TNIP1: variants seen among roughly 807,000 people sequenced by gnomAD.
The protein encoded by TNIP1 is TNFAIP3 interacting protein 1.
Under a neutral mutation model 86.6 loss-of-function variants are expected in TNIP1, and 22 were observed. The ratio of observed to expected loss-of-function variants is 0.25; its 90% CI spans 0.18 to 0.36. The LOEUF (loss-of-function observed/expected upper bound fraction) is 0.36, where lower values mean the gene tolerates loss of function less well. Ranked by LOEUF, TNIP1 falls within the 10% of genes least tolerant of loss-of-function variation. The pLI is 1.00. For missense variants in TNIP1, 709 were observed against 820.6 expected, an observed-to-expected ratio of 0.86 and a Z score of 1.66; for synonymous variants, 294 against 313.0, an observed-to-expected ratio of 0.94 and a Z score of 0.64.
At chr5:151,054,502 A>C (rs1258700588) in intron 6 of TNIP1, among the ~76,000 whole-genome samples, 1 of 152,130 alleles carries the variant, frequency 6.6e-6, no homozygotes. Context: ...GCAACATGGC[A>C]AAACCCTGTC....
At chr5:151,046,192 T>C (rs1043419290) in intron 8 of TNIP1, 4 of 522,038 alleles carry the variant, frequency 7.7e-6, no homozygotes, top group Non-Finnish European at 1.4e-5. Flanking sequence ...CCTTCCCTTC[T>C]CCCCTCCCTA....
rs200832817 is a variant in TNIP1 at position 151,049,896 on chromosome 5, C to G, written c.774G>C (p.Glu258Asp). Residue 258 changes from glutamate (E) to aspartate (D), a missense_variant, in exon 8 of 18, where the codon GAG (glutamate) becomes GAC (aspartate). Coordinates refer to ENST00000521591, the MANE Select transcript of TNIP1 (RefSeq NM_006058.5). ...KKLLMSNGNK[E>D]GASGRPGSPK... ...GTGAGCCTGGCCGCCCAGACGCACC[C>G]TCTTTGTTGCCATTGCTCATCAACA... The G allele has an allele frequency of 2.1e-5, 34 of 1,614,210 alleles. No individual in the cohort carries two copies. In the African/African-American group the frequency reaches 3.5e-4, roughly 16 times the overall value.
chr5:151,064,942 G>C lies in TNIP1; in HGVS notation c.136+18C>G, dbSNP rs770645265. 278 of 1,613,808 alleles carry C rather than the reference G, an allele frequency of 1.7e-4. No homozygotes were observed. Among genetic ancestry groups the C allele is most frequent in the Non-Finnish European group, 2.3e-4 (274 of 1,179,918 alleles). On this transcript the variant is annotated intron_variant, in intron 2 of 17. Coordinates refer to ENST00000521591, the MANE Select transcript of TNIP1 (RefSeq NM_006058.5). ...GCAGGGAGGGGCGCTCGCAGGGAGG[G>C]GACAGGGTCTGCTTTACCTAACATC...
rs77165066 is a variant in TNIP1 at position 151,075,292 on chromosome 5, G to C, written c.-37+5588C>G. On this transcript the variant is annotated intron_variant, in intron 1 of 17. Coordinates refer to ENST00000521591, the MANE Select transcript of TNIP1 (RefSeq NM_006058.5). ...ATGTAGGTGCCTGCGTGTTACCCTC[G>C]GTATCTGAGAGACTCCTTCAATTTT... Among the ~76,000 whole-genome samples, 255 of 152,158 alleles carry C rather than the reference G, an allele frequency of 1.7e-3. 1 individual carries two copies. The highest frequency in any genetic ancestry group is 3.1e-3 in the Non-Finnish European group (212 of 68,002).
chr5:151,034,171 A>AGTACATGGGCACGGAAAGCTG (rs1757338609), intron 15 of TNIP1, among the ~76,000 whole-genome samples: 1 of 101,838 alleles, frequency 9.8e-6, no homozygotes, highest in Admixed American at 1.0e-4. Flanking sequence ...ACAGAAGGCT[A>AGTACATGGGCACGGAAAGCTG]GTACATGGGC....
chr5:151,044,102 G>C (rs191743577), intron 9 of TNIP1, among the ~76,000 whole-genome samples: 122 of 152,184 alleles, frequency 8.0e-4, no homozygotes, highest in African/African-American at 2.8e-3. Context: ...CTAGGCTGGA[G>C]TGCAGTGGTA....
rs1337221033 is a variant in TNIP1 at position 151,045,828 on chromosome 5, G to A, written c.936+33C>T. ...GCTGCTGGTCCCGGGAGGTAAGAGG[G>A]ATCCTCCCACTACTGCCACCTCGGC... On this transcript the variant is annotated intron_variant, in intron 9 of 17. Transcript: ENST00000521591. 1.9e-6 allele frequency: 3 copies of A among 1,605,150 alleles called. No individual in the cohort carries two copies. In the Admixed American group the frequency reaches 5.0e-5, roughly 27 times the overall value.
chr5:151,051,500 C>G (rs1324976384), intron 7 of TNIP1, among the ~76,000 whole-genome samples: 1 of 152,212 alleles, frequency 6.6e-6, no homozygotes, highest in African/African-American at 2.4e-5. Context: ...GTCCCTGCCT[C>G]TCCCTGGGCC....
chr5:151,078,510 T>G (rs1336378740), intron 1 of TNIP1: 1 of 152,242 alleles, frequency 6.6e-6, no homozygotes, highest in African/African-American at 2.4e-5. Flanking sequence ...CACTAAGTTC[T>G]ATACATATGC....
chr5:151,073,505 C>T (rs1203190062), intron 1 of TNIP1, among the ~76,000 whole-genome samples: 1 of 151,358 alleles, frequency 6.6e-6, no homozygotes, highest in Admixed American at 6.6e-5. Context: ...GGCAATGATA[C>T]AGAAAGATGC....
At chr5:151,083,843 T>C (rs1317699714), upstream of TNIP1, among the ~76,000 whole-genome samples, 1 of 152,188 alleles carries the variant, frequency 6.6e-6, no homozygotes, top group Non-Finnish European at 1.5e-5. Context: ...GGGTGGAGGC[T>C]GCATAATAAA....
chr5:151,040,500 T>C (rs112296298), intron 11 of TNIP1, among the ~76,000 whole-genome samples: 1,851 of 152,200 alleles, frequency 0.012, 42 homozygotes, highest in African/African-American at 0.042. Context: ...TTCATCCTTA[T>C]CTACAGGGCC....
At chr5:151,065,943 G>A (rs1425910535) in intron 1 of TNIP1, among the ~76,000 whole-genome samples, 1 of 152,154 alleles carries the variant, frequency 6.6e-6, no homozygotes, top group African/African-American at 2.4e-5. Context: ...ACTGAAACCA[G>A]TTGGAAAGGT....
chr5:151,086,643 A>C (rs1357647979), intron 1 of TNIP1, among the ~76,000 whole-genome samples: 1 of 152,130 alleles, frequency 6.6e-6, no homozygotes, highest in Non-Finnish European at 1.5e-5. Flanking sequence ...AGACACATAC[A>C]CGCTTCAGGG....
intron 6 of TNIP1, 74 bp from the exon 7 acceptor site, chr5:151,052,333 G>C: frequency 7.7e-7 from 1 of 1,303,060 alleles, no homozygotes; most frequent in Non-Finnish European, 1.1e-6. Context: ...CTAGAGGATG[G>C]TGGGGGGCCT....
At position 151,035,725 on chromosome 5, in the gene TNIP1, T is replaced by G. The variant is rs562095390; in HGVS notation, c.1396-18A>C. ...ATCTTCACCTGGTGTGGAGGGAGGG[T>G]GAAGAGAGGGAGGGGGATGGTCCTG... On this transcript the variant is annotated intron_variant, in intron 13 of 17. Transcript: ENST00000521591. 1.7e-5 allele frequency: 27 copies of G among 1,612,968 alleles called. No homozygotes were observed. The African/African-American group carries it at 3.1e-4, about 18-fold the overall frequency.
rs1231780403 is a variant in TNIP1 at position 151,065,118 on chromosome 5, T to A, written c.-23A>T. 1 of 1,607,786 alleles carries A rather than the reference T, an allele frequency of 6.2e-7. No homozygotes were observed. Among genetic ancestry groups the A allele is most frequent in the African/African-American group, 1.3e-5 (1 of 74,836 alleles). On this transcript the variant is annotated 5_prime_UTR_variant, in exon 2 of 18. Transcript: ENST00000521591. ...CATGAGGGTAGCTCAGCCCCTGCCG[T>A]GGTGCCCGCCTGGCTGTAAGGACAA...
chr5:151,073,985 G>A (rs577601442), intron 1 of TNIP1, among the ~76,000 whole-genome samples: 39 of 152,172 alleles, frequency 2.6e-4, no homozygotes, highest in African/African-American at 9.2e-4. Flanking sequence ...GAAGGACCTC[G>A]GTAAGGAACT....
intron 6 of TNIP1, among the ~76,000 whole-genome samples, chr5:151,054,105 C>T (rs1366446341): frequency 1.3e-5 from 2 of 152,232 alleles, no homozygotes; most frequent in Non-Finnish European, 2.9e-5. Flanking sequence ...ACGCACAATT[C>T]TCCAGTCTCT....
Sources: gnomAD v4.1 joint callset for allele counts (sites outside exome capture counted in the v4.1 genomes callset) on GRCh38, gnomAD v4.1.1 for gene constraint, MANE v1.5 for transcripts, NCBI Gene and HGNC (gene_info 2026-07-23, HGNC 2026-07-21) for gene names.